The following SYT9 variants were observed in gnomAD, a reference collection of about 807,000 sequenced individuals.
SYT9 encodes the protein synaptotagmin 9.
A neutral mutation model predicts 48.4 loss-of-function variants in SYT9; 22 were observed. The observed-to-expected ratio is 0.45, with a 90% confidence interval of 0.32 to 0.65. The LOEUF (loss-of-function observed/expected upper bound fraction) is 0.65. Among genes scored for constraint, SYT9 ranks in the 30% least tolerant of loss-of-function variants. The probability of loss-of-function intolerance (pLI) is 0.03; values close to 1 mark genes in which losing one functional copy is unlikely to be tolerated. For synonymous variants in SYT9, 265 were observed against 245.0 expected (o/e 1.08, Z -0.76); for missense variants, 577 against 622.0 (o/e 0.93, Z 0.77).
At chr11:7,250,613 C>G (rs528164347), upstream of SYT9, among the ~76,000 whole-genome samples, 18 of 152,314 alleles carry the variant, frequency 1.2e-4, no homozygotes, top group South Asian at 8.3e-4. Flanking sequence ...CTCTTTGCAA[C>G]TCTCTGGAGG....
chr11:7,398,151 G>T (rs557337985), intron 3 of SYT9, among the ~76,000 whole-genome samples: 2 of 152,232 alleles, frequency 1.3e-5, no homozygotes, highest in African/African-American at 4.8e-5. Context: ...TTCCAAGTTT[G>T]CTGGAGCTTC....
chr11:7,281,602 T>C (rs116375735), intron 1 of SYT9, among the ~76,000 whole-genome samples: 2,381 of 152,310 alleles, frequency 0.016, 57 homozygotes, highest in African/African-American at 0.052. Context: ...TTTGGAGCCA[T>C]TTACACAAAG....
rs776003631 is a variant in SYT9, at chr11:7,338,676, C to T, written c.1044+24735C>T. On this transcript the variant is annotated intron_variant, in intron 3 of 6. Coordinates refer to ENST00000318881, the MANE Select transcript of SYT9 (RefSeq NM_175733.4). The stretch of plus-strand genomic sequence containing the variant: ...CATGGTTTTGGGTGATTTTTTGTCT[C>T]GATTTCTATTTTTATTGTGCTATGA... Among the ~76,000 whole-genome samples the T allele has an allele frequency of 7.9e-5, 12 of 151,842 alleles. 1 individual carries two copies. The highest frequency in any genetic ancestry group is 1.3e-4 in the Non-Finnish European group (9 of 67,938).
At chr11:7,315,595 G>A (rs1849229021) in intron 3 of SYT9, among the ~76,000 whole-genome samples, 1 of 152,204 alleles carries the variant, frequency 6.6e-6, no homozygotes, top group Admixed American at 6.5e-5. Context: ...GTTCAACGAG[G>A]ATCTTGCTGA....
At chr11:7,244,989 A>G (rs1847776607) in intron 1 of SYT9, among the ~76,000 whole-genome samples, 1 of 152,214 alleles carries the variant, frequency 6.6e-6, no homozygotes, top group Non-Finnish European at 1.5e-5. Context: ...ATTTTGACCA[A>G]TTGCAGCACA....
intron 3 of SYT9, among the ~76,000 whole-genome samples, chr11:7,388,940 A>T (rs1850711010): frequency 6.6e-6 from 1 of 152,146 alleles, no homozygotes; most frequent in Non-Finnish European, 1.5e-5. Flanking sequence ...TCACAAGCAT[A>T]TGGACCACAA....
At chr11:7,276,667 T>C (rs1312966857) in intron 1 of SYT9, among the ~76,000 whole-genome samples, 1 of 152,148 alleles carries the variant, frequency 6.6e-6, no homozygotes, top group Non-Finnish European at 1.5e-5. Flanking sequence ...GGATTCTCCC[T>C]CATCATTCTT....
Position 7,252,010 on chromosome 11 carries a change from C to A in SYT9, c.-177C>A. 1 of 615,800 alleles carries A rather than the reference C, an allele frequency of 1.6e-6. No homozygotes were observed. The highest frequency in any genetic ancestry group is 2.5e-6 in the Non-Finnish European group (1 of 407,004). 38.1% of individuals were successfully genotyped at this position (615,800 alleles called of 1,614,324 possible). On this transcript the variant is annotated 5_prime_UTR_variant, in exon 1 of 7. Coordinates refer to ENST00000318881, the MANE Select transcript of SYT9 (RefSeq NM_175733.4). This position sits in a 1 kb window ranked among gnomAD's most constrained non-coding sequence, Gnocchi z 6.3. Reference sequence around the variant, plus strand: ...CGACCGGCTGGCGAAGAGCTGCATGCAACCGGTGGGAGGCCGGGCCGGCTG... The same window carrying A: ...CGACCGGCTGGCGAAGAGCTGCATGAAACCGGTGGGAGGCCGGGCCGGCTG...
chr11:7,425,583 G>C (rs1847439012), intron 6 of SYT9, among the ~76,000 whole-genome samples: 1 of 152,158 alleles, frequency 6.6e-6, no homozygotes, highest in Non-Finnish European at 1.5e-5. Flanking sequence ...GTACAATAGG[G>C]AAAGTCCTAG....
chr11:7,364,804 C>T (rs1850211123), intron 3 of SYT9, among the ~76,000 whole-genome samples: 1 of 152,102 alleles, frequency 6.6e-6, no homozygotes. Context: ...AAATGCAAAG[C>T]ATCACTAGGA....
chr11:7,287,155 A>G (rs1848611348), intron 1 of SYT9, among the ~76,000 whole-genome samples: 1 of 152,208 alleles, frequency 6.6e-6, no homozygotes, highest in Non-Finnish European at 1.5e-5. Flanking sequence ...GGGAGGCCTC[A>G]GCAAACTTAC....
At chr11:7,461,985 T>A (rs1249348530) in intron 6 of SYT9, among the ~76,000 whole-genome samples, 1 of 152,234 alleles carries the variant, frequency 6.6e-6, no homozygotes, top group Non-Finnish European at 1.5e-5. Context: ...ATTTGCCACC[T>A]TTCCCCTCAA....
At chr11:7,281,275 T>A (rs1274651263) in intron 1 of SYT9, among the ~76,000 whole-genome samples, 1 of 152,134 alleles carries the variant, frequency 6.6e-6, no homozygotes, top group Non-Finnish European at 1.5e-5. Context: ...ACAGATGAGA[T>A]CAGATCCAAT....
At chr11:7,360,633 T>C (rs1463027725) in intron 3 of SYT9, among the ~76,000 whole-genome samples, 1 of 152,216 alleles carries the variant, frequency 6.6e-6, no homozygotes, top group African/African-American at 2.4e-5. Flanking sequence ...GGGAGTTCAC[T>C]CATGATTTGG....
intron 6 of SYT9, among the ~76,000 whole-genome samples, chr11:7,451,231 T>A (rs1415567547): frequency 6.6e-6 from 1 of 152,222 alleles, no homozygotes; most frequent in Admixed American, 6.5e-5. Flanking sequence ...CTAAAATTTA[T>A]TAACAGAAAG....
At chr11:7,269,123 T>C (rs1010504453) in intron 1 of SYT9, among the ~76,000 whole-genome samples, 1 of 152,096 alleles carries the variant, frequency 6.6e-6, no homozygotes, top group Non-Finnish European at 1.5e-5. Flanking sequence ...TTTATTCATT[T>C]ACCAGCTGAT....
chr11:7,267,049 A>C (rs1848197297), intron 1 of SYT9, among the ~76,000 whole-genome samples: 1 of 152,124 alleles, frequency 6.6e-6, no homozygotes, highest in East Asian at 1.9e-4. Flanking sequence ...AAACATACTG[A>C]ATACAATATA....
At chr11:7,345,094 C>T (rs956431536) in intron 3 of SYT9, among the ~76,000 whole-genome samples, 3 of 152,102 alleles carry the variant, frequency 2.0e-5, no homozygotes, top group African/African-American at 7.2e-5. Context: ...ATCGTCTTTA[C>T]CTTCCCTCAG....
rs1848357273 is a variant in SYT9 at position 7,467,573 on chromosome 11, GTAAT to G, written c.*776_*779del. 6.6e-6 allele frequency: 1 copy of G among 152,214 alleles called. No individual in the cohort carries two copies. The highest frequency in any genetic ancestry group is 1.5e-5 in the Non-Finnish European group (1 of 68,056). 9.4% of individuals were successfully genotyped at this position (152,214 alleles called of 1,614,324 possible). On this transcript the variant is annotated 3_prime_UTR_variant, in exon 7 of 7. Coordinates refer to ENST00000318881, the MANE Select transcript of SYT9 (RefSeq NM_175733.4). ...ACTGGGAGTGTTATTAGAATGAAAA[GTAAT>G]TAGTTAGAAGGGCATACATCTCAGT...
Sources: allele counts gnomAD v4.1 joint callset (sites outside exome capture counted in the v4.1 genomes callset), GRCh38; gene constraint gnomAD v4.1.1; non-coding constraint Gnocchi (gnomAD v3.1); transcripts MANE v1.5; gene names NCBI Gene and HGNC (gene_info 2026-07-23, HGNC 2026-07-21).